OR5H14: variants seen among roughly 807,000 people sequenced by gnomAD.
OR5H14 encodes the protein olfactory receptor family 5 subfamily H member 14.
For synonymous variants in OR5H14, 155 were observed against 130.6 expected (o/e 1.19, Z -1.28); for missense variants, 392 against 363.9 (o/e 1.08, Z -0.63).
In OR5H14 at chr3:98,151,898, G is replaced by T. The variant is rs1303584480; in HGVS notation, c.*1580G>T. 1 of 152,008 alleles carries T rather than the reference G, an allele frequency of 6.6e-6. No homozygotes were observed. Among genetic ancestry groups the T allele is most frequent in the East Asian group, 1.9e-4 (1 of 5,172 alleles). 9.4% of individuals were successfully genotyped at this position (152,008 alleles called of 1,614,324 possible). The stretch of plus-strand genomic sequence containing the variant: ...GAATGGGAGAAAATTTTTGCAATCT[G>T]TCCATATGACAAAGGGCTAATATCC... On this transcript the variant is annotated 3_prime_UTR_variant, in exon 2 of 2. Coordinates refer to ENST00000641380, the MANE Select transcript of OR5H14 (RefSeq NM_001005514.2).
rs561133970 is a variant in OR5H14 at position 98,151,207 on chromosome 3, G to A, written c.*889G>A. 6.6e-5 allele frequency: 10 copies of A among 152,240 alleles called. No homozygotes were observed. The highest frequency in any genetic ancestry group is 5.9e-4 in the Admixed American group (9 of 15,270). The allele number at this position is 152,240 out of a possible 1,614,324, so 9.4% of individuals were successfully genotyped here. On this transcript the variant is annotated 3_prime_UTR_variant, in exon 2 of 2. Transcript: ENST00000641380. ...AGTGATGTTACAAGGTTATTGGAAT[G>A]CGTTATTGACAATCAGGGGCTTTAA...
rs1038412261 is a variant in OR5H14 at position 98,150,608 on chromosome 3, C to T, written c.*290C>T. ...CTGTGTCTTATAAATGCATTAAATG[C>T]AAAATAGTCTAGTTTATCTGATAAG... On this transcript the variant is annotated 3_prime_UTR_variant, in exon 2 of 2. Transcript: ENST00000641380. 9.4e-6 allele frequency: 2 copies of T among 213,108 alleles called. No homozygotes were observed. The highest frequency in any genetic ancestry group is 1.9e-5 in the Non-Finnish European group (2 of 107,504). The allele number at this position is 213,108 out of a possible 1,614,324, so 13.2% of individuals were successfully genotyped here.
rs1423387122 is a variant in OR5H14 at position 98,152,186 on chromosome 3, A to G, written c.*1868A>G. The G allele has an allele frequency of 6.6e-6, 1 of 152,052 alleles. No individual in the cohort carries two copies. The highest frequency in any genetic ancestry group is 2.4e-5 in the African/African-American group (1 of 41,400). The allele number at this position is 152,052 out of a possible 1,614,324, so 9.4% of individuals were successfully genotyped here. A position where few individuals can be genotyped will look rare whatever the true frequency, so the allele number is the denominator to read the frequency against. On this transcript the variant is annotated 3_prime_UTR_variant, in exon 2 of 2. Transcript: ENST00000641380. The stretch of plus-strand genomic sequence containing the variant: ...AGAGGATGTGGAGAAATAAGAACTC[A>G]TTTATCCTGTTGGTGGGAGTGTAAT...
rs1351404317 is a variant in OR5H14 at position 98,154,635 on chromosome 3, A to G, written c.*4317A>G. ...AAGGCTTAGTAGATGCAGAGTGACAAGATAGAGTATGATAGAATGAAATAT... is the reference window on the plus strand; with the variant it reads ...AAGGCTTAGTAGATGCAGAGTGACAGGATAGAGTATGATAGAATGAAATAT... On this transcript the variant is annotated 3_prime_UTR_variant, in exon 2 of 2. Transcript: ENST00000641380. 6.6e-6 allele frequency: 1 copy of G among 152,234 alleles called. No individual in the cohort carries two copies. The highest frequency in any genetic ancestry group is 2.4e-5 in the African/African-American group (1 of 41,468). 9.4% of individuals were successfully genotyped at this position (152,234 alleles called of 1,614,324 possible).
intron 1 of OR5H14, 85 bp from the exon 2 acceptor site, chr3:98,149,283 A>C (rs1225380005): frequency 7.2e-7 from 1 of 1,385,246 alleles, no homozygotes; most frequent in East Asian, 2.3e-5. Context: ...TGATAATTGC[A>C]CACTTTATAT....
In OR5H14 at chr3:98,149,897, C is replaced by A. The variant is rs759326488; in HGVS notation, c.512C>A (p.Ser171Tyr). 2.5e-6 allele frequency: 4 copies of A among 1,613,356 alleles called. No individual in the cohort carries two copies. The change falls in exon 2 of 2, where the codon TCC becomes TAC. Residue 171 changes from serine to tyrosine, a missense_variant. By Grantham distance (144) the Ser-to-Tyr change is moderately radical. Transcript: ENST00000641380. ...TTATTCAGACTAACCTTCTGTAACTCCAACATAATACAACACTTTTACTGT... is the reference window on the plus strand; with the variant it reads ...TTATTCAGACTAACCTTCTGTAACTACAACATAATACAACACTTTTACTGT... ...GFLFRLTFCN[S>Y]NIIQHFYCDI... is the part of the protein sequence containing the mutation.
chr3:98,147,908 T>A (rs1313272248), intron 1 of OR5H14: 1 of 152,020 alleles, frequency 6.6e-6, no homozygotes, highest in African/African-American at 2.4e-5. Context: ...CCCATTCCTT[T>A]TAATTAACTA....
In OR5H14 at chr3:98,149,937, G is replaced by C. The variant is rs1400788276; in HGVS notation, c.552G>C (p.Leu184Phe). 6.2e-7 allele frequency: 1 copy of C among 1,613,218 alleles called. No individual in the cohort carries two copies. Among genetic ancestry groups the C allele is most frequent in the African/African-American group, 1.3e-5 (1 of 74,756 alleles). ...IQHFYCDIIP[L>F]LKISYTDSSI... The stretch of plus-strand genomic sequence containing the variant: ...ACTTTTACTGTGACATTATCCCATT[G>C]TTAAAGATTTCTTATACTGATTCCT... The change falls in exon 2 of 2, where the codon TTG (leucine) becomes TTC (phenylalanine). Residue 184 changes from leucine (L) to phenylalanine (F), a missense_variant. Transcript: ENST00000641380.
rs181133249 is a variant in OR5H14 at position 98,149,859 on chromosome 3, C to A, written c.474C>A (p.Ile158=). 2 of 1,607,774 alleles carry A rather than the reference C, an allele frequency of 1.2e-6. No individual in the cohort carries two copies. Among genetic ancestry groups the A allele is most frequent in the Non-Finnish European group, 1.7e-6 (2 of 1,179,288 alleles). The part of the protein sequence containing the change: ...SYVGGLLHAL[I]HEGFLFRLTF... ...TAGGTGGTCTTCTTCATGCTTTAAT[C>A]CATGAAGGATTTTTATTCAGACTAA... The change falls in exon 2 of 2, where the codon ATC becomes ATA. Residue 158 remains isoleucine (I), a synonymous_variant. Coordinates refer to ENST00000641380, the MANE Select transcript of OR5H14 (RefSeq NM_001005514.2).
rs1708536671 is a variant in OR5H14, at chr3:98,153,424, A to G, written c.*3106A>G. ...TGGTGAAACCCCATCTTTATGAAAA[A>G]TGCAAAAAATTAGCCGGGCGTGGTG... On this transcript the variant is annotated 3_prime_UTR_variant, in exon 2 of 2. Transcript: ENST00000641380. 1 of 152,138 alleles carries G rather than the reference A, an allele frequency of 6.6e-6. No individual in the cohort carries two copies. Among genetic ancestry groups the G allele is most frequent in the Non-Finnish European group, 1.5e-5 (1 of 68,042 alleles). The allele number at this position is 152,138 out of a possible 1,614,324, so 9.4% of individuals were successfully genotyped here.
Position 98,152,502 on chromosome 3 carries a change from A to G in OR5H14, c.*2184A>G, listed in dbSNP as rs1280649081. On this transcript the variant is annotated 3_prime_UTR_variant, in exon 2 of 2. Transcript: ENST00000641380. The stretch of plus-strand genomic sequence containing the variant: ...GAATGAGTTCATGTCCTTTGCAGGG[A>G]CATGGATGAAGCTGGAAACCATTAT... The G allele has an allele frequency of 2.0e-5, 3 of 152,196 alleles. No homozygotes were observed. Among genetic ancestry groups the G allele is most frequent in the Non-Finnish European group, 4.4e-5 (3 of 68,066 alleles). 9.4% of individuals were successfully genotyped at this position (152,196 alleles called of 1,614,324 possible).
At chr3:98,148,069 T>C (rs1708445890) in intron 1 of OR5H14, 1 of 151,970 alleles carries the variant, frequency 6.6e-6, no homozygotes, top group Admixed American at 6.6e-5. Flanking sequence ...TAATTCTGCC[T>C]TGGCTACCTT....
chr3:98,149,340 C>A (rs750079542), intron 1 of OR5H14, 28 bp from the exon 2 acceptor site: 21 of 1,599,044 alleles, frequency 1.3e-5, no homozygotes, highest in Middle Eastern at 3.6e-4. Flanking sequence ...TGCAGATGTT[C>A]CCTTTCATTT....
At position 98,152,840 on chromosome 3, in the gene OR5H14, C is replaced by G. The variant is rs1343947581; in HGVS notation, c.*2522C>G. 1 of 151,568 alleles carries G rather than the reference C, an allele frequency of 6.6e-6. No individual in the cohort carries two copies. Among genetic ancestry groups the G allele is most frequent in the Non-Finnish European group, 1.5e-5 (1 of 67,966 alleles). 9.4% of individuals were successfully genotyped at this position (151,568 alleles called of 1,614,324 possible). A position where few individuals can be genotyped will look rare whatever the true frequency, so the allele number is the denominator to read the frequency against. On this transcript the variant is annotated 3_prime_UTR_variant, in exon 2 of 2. Transcript: ENST00000641380. ...AAGTTAACATTTTCTTTACCATTTA[C>G]TATGAGTTGGGGTTTCTGTGTGCTT...
chr3:98,149,841 T>G lies in OR5H14; in HGVS notation c.456T>G (p.Gly152=). Residue 152 remains glycine, a synonymous_variant, in exon 2 of 2, where the codon GGT becomes GGG. Transcript: ENST00000641380. ...IRLLILSYVG[G]LLHALIHEGF... ...TATTAATCTTGTCATATGTAGGTGG[T>G]CTTCTTCATGCTTTAATCCATGAAG... 6.2e-7 allele frequency: 1 copy of G among 1,613,162 alleles called. No homozygotes were observed. The highest frequency in any genetic ancestry group is 8.5e-7 in the Non-Finnish European group (1 of 1,179,742).
At position 98,149,930 on chromosome 3, in the gene OR5H14, T is replaced by C; in HGVS notation, c.545T>C (p.Ile182Thr). ...ATACAACACTTTTACTGTGACATTATCCCATTGTTAAAGATTTCTTATACT... is the reference window on the plus strand; with the variant it reads ...ATACAACACTTTTACTGTGACATTACCCCATTGTTAAAGATTTCTTATACT... ...NIIQHFYCDI[I>T]PLLKISYTDS... The change falls in exon 2 of 2, where the codon ATC becomes ACC. Residue 182 changes from isoleucine (I) to threonine (T), a missense_variant. By Grantham distance (89) the Ile-to-Thr change is moderately conservative (BLOSUM62 -1). Transcript: ENST00000641380. 1 of 1,613,490 alleles carries C rather than the reference T, an allele frequency of 6.2e-7. No homozygotes were observed. The highest frequency in any genetic ancestry group is 1.1e-5 in the South Asian group (1 of 91,076).
At chr3:98,147,927 G>A (rs942905806) in intron 1 of OR5H14, 1 of 151,872 alleles carries the variant, frequency 6.6e-6, no homozygotes, top group African/African-American at 2.4e-5. Flanking sequence ...TACACTCTCT[G>A]ATTAAAACTT....
Position 98,150,065 on chromosome 3 carries a change from A to G in OR5H14, c.680A>G (p.Lys227Arg). ...SYIFVLYTILKKKSVKGMRKA... is the reference protein window; with the variant it reads ...SYIFVLYTILRKKSVKGMRKA... Reference sequence around the variant, plus strand: ...ATATTTGTCCTCTATACAATCTTGAAAAAGAAGTCTGTCAAAGGTATGAGA... The same window carrying G: ...ATATTTGTCCTCTATACAATCTTGAGAAAGAAGTCTGTCAAAGGTATGAGA... Residue 227 changes from lysine to arginine, a missense_variant, in exon 2 of 2, where the codon AAA becomes AGA. Transcript: ENST00000641380. 6.2e-7 allele frequency: 1 copy of G among 1,611,470 alleles called. No individual in the cohort carries two copies. Among genetic ancestry groups the G allele is most frequent in the Non-Finnish European group, 8.5e-7 (1 of 1,179,160 alleles).
At chr3:98,149,090 A>G (rs561351339) in intron 1 of OR5H14, among the ~76,000 whole-genome samples, 1 of 152,008 alleles carries the variant, frequency 6.6e-6, no homozygotes, top group East Asian at 1.9e-4. Flanking sequence ...ATTCCCCAGG[A>G]CCTCCATTCA....
Sources: allele counts gnomAD v4.1 joint callset (sites outside exome capture counted in the v4.1 genomes callset), GRCh38; gene constraint gnomAD v4.1.1; transcripts MANE v1.5; gene names NCBI Gene and HGNC (gene_info 2026-07-23, HGNC 2026-07-21).